Variants in RFTN1 observed in about 807,000 individuals in gnomAD.
RFTN1 encodes the protein raftlin, lipid raft linker 1, also known as raftlin.
Under a neutral mutation model 46.5 loss-of-function variants are expected in RFTN1, and 26 were observed. The ratio of observed to expected loss-of-function variants is 0.56; its 90% CI spans 0.41 to 0.78. RFTN1 has a LOEUF of 0.78. Among genes scored for constraint, RFTN1 ranks in the 30% least tolerant of loss-of-function variants. The probability of loss-of-function intolerance (pLI) is 0.00; values close to 1 mark genes in which losing one functional copy is unlikely to be tolerated. For synonymous variants in RFTN1, 261 were observed against 284.2 expected, an observed-to-expected ratio of 0.92 and a Z score of 0.82; for missense variants, 693 against 718.7, an observed-to-expected ratio of 0.96 and a Z score of 0.41.
Position 16,424,911 on chromosome 3 carries a change from C to T in RFTN1, c.332+8940G>A, listed in dbSNP as rs1184806424. 6.6e-6 allele frequency among the ~76,000 whole-genome samples: 1 copy of T among 151,468 alleles called. No homozygotes were observed. The highest frequency in any genetic ancestry group is 1.5e-5 in the Non-Finnish European group (1 of 67,890). On this transcript the variant is annotated intron_variant, in intron 3 of 9. Coordinates refer to ENST00000334133, the MANE Select transcript of RFTN1 (RefSeq NM_015150.2). This position sits in a 1 kb window ranked among gnomAD's most constrained non-coding sequence, Gnocchi z 4.7. Reference sequence around the variant, plus strand: ...TCCAGGACCCATCACTGGTAATGCCCATTATATCTTTTTCAGCTTGAAAAA... The same window carrying T: ...TCCAGGACCCATCACTGGTAATGCCTATTATATCTTTTTCAGCTTGAAAAA...
chr3:16,363,334 G>A (rs781774524), intron 6 of RFTN1, among the ~76,000 whole-genome samples: 13 of 152,196 alleles, frequency 8.5e-5, no homozygotes, highest in South Asian at 2.1e-4. Flanking sequence ...ACTGCCCTCC[G>A]TCTATGGAAA....
At chr3:16,366,501 CCT>C (rs2073182107) in intron 6 of RFTN1, among the ~76,000 whole-genome samples, 1 of 152,206 alleles carries the variant, frequency 6.6e-6, no homozygotes, top group South Asian at 2.1e-4. Flanking sequence ...ACCTTGGAGT[CCT>C]CCTCGTCCCA....
chr3:16,457,468 G>A lies in RFTN1; in HGVS notation c.146-23431C>T, dbSNP rs1270561647. On this transcript the variant is annotated intron_variant, in intron 2 of 9. Coordinates refer to ENST00000334133, the MANE Select transcript of RFTN1 (RefSeq NM_015150.2). This position sits in a 1 kb window ranked among gnomAD's most constrained non-coding sequence, Gnocchi z 4.2. ...AACATAGTAGTACTCAATAAATGCCGGTTATCATTATACCTTCTTTTACGA... is the reference window on the plus strand; with the variant it reads ...AACATAGTAGTACTCAATAAATGCCAGTTATCATTATACCTTCTTTTACGA... 2.6e-4 allele frequency among the ~76,000 whole-genome samples: 40 copies of A among 152,048 alleles called. 1 individual carries two copies. The highest frequency in any genetic ancestry group is 2.5e-3 in the Admixed American group (38 of 15,268).
chr3:16,438,447 T>C (rs1219758648), intron 2 of RFTN1, among the ~76,000 whole-genome samples: 2 of 151,426 alleles, frequency 1.3e-5, no homozygotes, highest in African/African-American at 4.9e-5. Flanking sequence ...TAGCTGCGCA[T>C]GTTGGCGTGC....
At chr3:16,332,417 CTTT>C (rs34563846) in intron 7 of RFTN1, among the ~76,000 whole-genome samples, 4 of 148,542 alleles carry the variant, frequency 2.7e-5, no homozygotes, top group African/African-American at 4.9e-5. Flanking sequence ...TTGATTGCTT[CTTT>C]TTTTTTTTTA....
chr3:16,487,929 A>G (rs765642081), intron 2 of RFTN1, among the ~76,000 whole-genome samples: 15 of 152,080 alleles, frequency 9.9e-5, no homozygotes, highest in Non-Finnish European at 1.6e-4. Flanking sequence ...TTAAGACCCA[A>G]TCAAATCACC....
rs1379540427 is a variant in RFTN1, at chr3:16,466,748, A to G, written c.145+26977T>C. The stretch of plus-strand genomic sequence containing the variant: ...AAGCAAGAACTATACTGAGGTAGGT[A>G]TAGACACTCATGTACACAGAGACAC... On this transcript the variant is annotated intron_variant, in intron 2 of 9. Transcript: ENST00000334133. The surrounding 1 kb of genome is among the most constrained non-coding windows in gnomAD (Gnocchi z 5.6). Among the ~76,000 whole-genome samples the G allele has an allele frequency of 6.6e-6, 1 of 152,240 alleles. No individual in the cohort carries two copies. The highest frequency in any genetic ancestry group is 2.4e-5 in the African/African-American group (1 of 41,478).
At chr3:16,503,259 C>A (rs1269558218) in intron 1 of RFTN1, among the ~76,000 whole-genome samples, 2 of 152,174 alleles carry the variant, frequency 1.3e-5, no homozygotes, top group Non-Finnish European at 2.9e-5. Context: ...CATCCAGGAT[C>A]TTGTTAAAAA....
rs2073649203 is a variant in RFTN1, at chr3:16,374,198, T to TC, written c.826+3519dup. Among the ~76,000 whole-genome samples, 1 of 152,066 alleles carries TC rather than the reference T, an allele frequency of 6.6e-6. No individual in the cohort carries two copies. The highest frequency in any genetic ancestry group is 2.1e-4 in the South Asian group (1 of 4,812). On this transcript the variant is annotated intron_variant, in intron 5 of 9. Coordinates refer to ENST00000334133, the MANE Select transcript of RFTN1 (RefSeq NM_015150.2). This position sits in a 1 kb window ranked among gnomAD's most constrained non-coding sequence, Gnocchi z 5.4. Reference sequence around the variant, plus strand: ...TCTGTGCCCAGAAGTGCTAAGTGGATCCCCCAGAAATCACAAGCCAGTAAG... The same window carrying TC: ...TCTGTGCCCAGAAGTGCTAAGTGGATCCCCCCAGAAATCACAAGCCAGTAAG...
rs1216825243 is a variant in RFTN1 at position 16,400,824 on chromosome 3, G to T, written c.441+8551C>A. 6.6e-6 allele frequency among the ~76,000 whole-genome samples: 1 copy of T among 152,106 alleles called. No individual in the cohort carries two copies. The highest frequency in any genetic ancestry group is 1.5e-5 in the Non-Finnish European group (1 of 68,022). ...GGGAGAGGAACTTCATAAGAAAACA[G>T]CGGCCTCCAGGCAGTAGCTCCTGCA... is the stretch of plus-strand genomic sequence containing the variant. On this transcript the variant is annotated intron_variant, in intron 4 of 9. Coordinates refer to ENST00000334133, the MANE Select transcript of RFTN1 (RefSeq NM_015150.2). The surrounding 1 kb of genome is among the most constrained non-coding windows in gnomAD (Gnocchi z 4.5).
intron 2 of RFTN1, among the ~76,000 whole-genome samples, chr3:16,455,540 T>A (rs1260165974): frequency 6.6e-6 from 1 of 152,136 alleles, no homozygotes; most frequent in Non-Finnish European, 1.5e-5. Context: ...TTAGGAAAAT[T>A]CTAAATAGGG....
chr3:16,357,704 C>T (rs112014789), intron 7 of RFTN1, among the ~76,000 whole-genome samples: 1 of 152,166 alleles, frequency 6.6e-6, no homozygotes, highest in African/African-American at 2.4e-5. Flanking sequence ...TGGCCAGGCA[C>T]ATGCAATGTG....
At chr3:16,389,631 C>T (rs1053973264) in intron 4 of RFTN1, among the ~76,000 whole-genome samples, 2 of 152,248 alleles carry the variant, frequency 1.3e-5, no homozygotes, top group East Asian at 3.9e-4. Context: ...TTATTTGTTA[C>T]GTATTCTCAA....
At chr3:16,357,135 AAC>A (rs1425832631) in intron 7 of RFTN1, among the ~76,000 whole-genome samples, 180 of 30,586 alleles carry the variant, frequency 5.9e-3, no homozygotes, top group Admixed American at 0.02. Flanking sequence ...AAAACAAAAA[AAC>A]AAACAAACAA....
intron 3 of RFTN1, among the ~76,000 whole-genome samples, chr3:16,417,009 C>CTTTTTTT (rs72060599): frequency 8.2e-6 from 1 of 121,296 alleles, no homozygotes; most frequent in Non-Finnish European, 1.7e-5. Context: ...TTTTCTTTTT[C>CTTTTTTT]TTTTTTTTTT....
chr3:16,499,501 G>T lies in RFTN1; in HGVS notation c.-8-5624C>A, dbSNP rs887633120. The stretch of plus-strand genomic sequence containing the variant: ...GACCAACTTGCTGGCCATCTTGCCA[G>T]CAGGCCATGCTGGAAGTAGAGCTTC... On this transcript the variant is annotated intron_variant, in intron 1 of 9. Transcript: ENST00000334133. This position sits in a 1 kb window ranked among gnomAD's most constrained non-coding sequence, Gnocchi z 4.9. Among the ~76,000 whole-genome samples the T allele has an allele frequency of 7.9e-5, 12 of 152,242 alleles. No homozygotes were observed. Among genetic ancestry groups the T allele is most frequent in the African/African-American group, 2.9e-4 (12 of 41,468 alleles).
Position 16,509,262 on chromosome 3 carries a change from G to C in RFTN1, c.-9+4180C>G, listed in dbSNP as rs553878449. On this transcript the variant is annotated intron_variant, in intron 1 of 9. Transcript: ENST00000334133. The surrounding 1 kb of genome is among the most constrained non-coding windows in gnomAD (Gnocchi z 4.9). ...GTATCATTTCCTGTAACGCTGTTCTGATTATCTAATTTACATTTCTATTAT... is the reference window on the plus strand; with the variant it reads ...GTATCATTTCCTGTAACGCTGTTCTCATTATCTAATTTACATTTCTATTAT... Among the ~76,000 whole-genome samples the C allele has an allele frequency of 3.3e-5, 5 of 152,218 alleles. No individual in the cohort carries two copies. In the East Asian group the frequency reaches 7.7e-4, roughly 23 times the overall value.
intron 6 of RFTN1, among the ~76,000 whole-genome samples, chr3:16,359,765 C>T (rs6771877): frequency 0.071 from 10,795 of 152,074 alleles, 426 homozygotes; most frequent in Middle Eastern, 0.13. Flanking sequence ...TTCAATGATA[C>T]GCTCTTTTAA....
chr3:16,454,685 C>G, intron 2 of RFTN1: 1 of 816,752 alleles, frequency 1.2e-6, no homozygotes, highest in Non-Finnish European at 1.5e-6. Context: ...TAGAGAATTC[C>G]TACTCATCCT....
Sources: gnomAD v4.1 joint callset for allele counts (sites outside exome capture counted in the v4.1 genomes callset) on GRCh38, gnomAD v4.1.1 for gene constraint, Gnocchi (gnomAD v3.1) non-coding constraint, MANE v1.5 for transcripts, NCBI Gene and HGNC (gene_info 2026-07-23, HGNC 2026-07-21) for gene names.